Variants in RGS22 observed in about 807,000 individuals in gnomAD.
The protein encoded by RGS22 is regulator of G protein signaling 22, also known as regulator of G-protein signaling 22.
Under a neutral mutation model 172.9 loss-of-function variants are expected in RGS22, and 148 were observed. The observed-to-expected ratio is 0.86, with a 90% CI of 0.75 to 0.98. The LOEUF is 0.98. RGS22 is among the 50% of genes least tolerant of loss of function. The pLI is 0.00. For synonymous variants in RGS22, 458 were observed against 480.2 expected (o/e 0.95, Z 0.60); for missense variants, 1,347 against 1,440.8 (o/e 0.93, Z 1.05).
intron 3 of RGS22, chr8:100,092,113 A>G (rs1812629971): frequency 6.6e-6 from 1 of 152,192 alleles, no homozygotes; most frequent in African/African-American, 2.4e-5. Context: ...GCTGAATAGT[A>G]CTTTCCCTTC....
rs139331104 is a variant in RGS22 at position 100,084,503 on chromosome 8, T to C, written c.118-4148A>G. On this transcript the variant is annotated intron_variant, in intron 3 of 27. Transcript: ENST00000360863. ...AATGGCATGCAATGTTTCTATTTAT[T>C]ATAAAAAAAGAAATGTGAATGTATA... Among the ~76,000 whole-genome samples, 25 of 152,330 alleles carry C rather than the reference T, an allele frequency of 1.6e-4. 1 individual carries two copies. The East Asian group carries it at 4.0e-3, about 25-fold the overall frequency.
intron 20 of RGS22, among the ~76,000 whole-genome samples, chr8:99,988,720 T>C (rs540134260): frequency 7.9e-5 from 12 of 152,196 alleles, no homozygotes; most frequent in Non-Finnish European, 1.8e-4. Context: ...GCCTTGAGGA[T>C]GACATCTGAG....
Position 100,064,010 on chromosome 8 carries a change from C to A in RGS22, c.758G>T (p.Arg253Met), listed in dbSNP as rs1385342451. The change falls in exon 8 of 28, where the codon AGG (arginine) becomes ATG (methionine). Residue 253 changes from arginine (R) to methionine (M), a missense_variant. Physicochemically the swap from Arg to Met is moderately conservative, Grantham distance 91. Coordinates refer to ENST00000360863, the MANE Select transcript of RGS22 (RefSeq NM_015668.5). Reference sequence around the variant, plus strand: ...GGTTTTAGATGGGTCCTTTTTTGTCCTAGGGTGAACTCCATCATCAAAGAT... The same window carrying A: ...GGTTTTAGATGGGTCCTTTTTTGTCATAGGGTGAACTCCATCATCAAAGAT... Reference protein sequence around the residue: ...NFIFDDGVHPRTKKDPSKTNK... With the variant: ...NFIFDDGVHPMTKKDPSKTNK... The A allele has an allele frequency of 6.6e-7, 1 of 1,525,484 alleles. No individual in the cohort carries two copies. Among genetic ancestry groups the A allele is most frequent in the African/African-American group, 1.4e-5 (1 of 71,772 alleles). The allele number at this position is 1,525,484 out of a possible 1,614,324, so 94.5% of individuals were successfully genotyped here.
At chr8:100,043,427 A>G (rs968833374) in intron 11 of RGS22, among the ~76,000 whole-genome samples, 1 of 152,188 alleles carries the variant, frequency 6.6e-6, no homozygotes, top group Non-Finnish European at 1.5e-5. Context: ...TCAAGTCTTC[A>G]CATTAAAAAT....
chr8:99,981,137 A>G (rs1446257442), intron 22 of RGS22, among the ~76,000 whole-genome samples: 2 of 151,976 alleles, frequency 1.3e-5, no homozygotes, highest in Non-Finnish European at 2.9e-5. Context: ...ATTATAATTT[A>G]TTTTTCTTAA....
At position 99,987,551 on chromosome 8, in the gene RGS22, TG is replaced by T; in HGVS notation, c.3086del (p.Pro1029GlnfsTer13). On this transcript the variant is annotated frameshift_variant, in exon 21 of 28. Transcript: ENST00000360863. LOFTEE classifies it high-confidence loss of function. ...AACGTTGAAATTGTCTTGAAGTAAC[TG>T]GATTCAATAATGCTTTGCGAAAAGC... is the stretch of plus-strand genomic sequence containing the variant. ...IIAFRKALLN[P>X]VTSRQFQRFV... is the part of the protein sequence containing the mutation. 1 of 1,611,860 alleles carries T rather than the reference TG, an allele frequency of 6.2e-7. No homozygotes were observed.
chr8:100,083,830 C>CTTTTTTTTTTTTTTTTTTTTTT (rs59603032), intron 3 of RGS22, among the ~76,000 whole-genome samples: 5 of 126,044 alleles, frequency 4.0e-5, no homozygotes, highest in East Asian at 2.3e-4. Flanking sequence ...AATTTCTTTT[C>CTTTTTTTTTTTTTTTTTTTTTT]TTTTTTTTTT....
At chr8:100,066,136 T>C in intron 7 of RGS22, 31 bp downstream of exon 7, 1 of 1,601,678 alleles carries the variant, frequency 6.2e-7, no homozygotes, top group Non-Finnish European at 8.5e-7. Context: ...AAAGAGAAGT[T>C]CTGAAGTCAT....
At chr8:100,011,353 T>G (rs560692657) in intron 14 of RGS22, among the ~76,000 whole-genome samples, 9 of 152,316 alleles carry the variant, frequency 5.9e-5, no homozygotes, top group African/African-American at 1.9e-4. Flanking sequence ...AGAAATTATA[T>G]GCCACCTTCA....
At chr8:100,049,620 C>A (rs1821072232) in intron 10 of RGS22, among the ~76,000 whole-genome samples, 1 of 152,140 alleles carries the variant, frequency 6.6e-6, no homozygotes, top group Non-Finnish European at 1.5e-5. Flanking sequence ...TACAAATGTT[C>A]ATATGTTATC....
chr8:100,082,798 T>G (rs577989496), intron 3 of RGS22, among the ~76,000 whole-genome samples: 1 of 152,282 alleles, frequency 6.6e-6, no homozygotes, highest in East Asian at 1.9e-4. Context: ...GAAGTTAGGG[T>G]AGCTGTGATT....
At chr8:99,979,257 A>C (rs1221894588) in intron 22 of RGS22, among the ~76,000 whole-genome samples, 3 of 152,152 alleles carry the variant, frequency 2.0e-5, no homozygotes, top group African/African-American at 7.2e-5. Context: ...TATCTTTCTA[A>C]AACCTGAGTC....
chr8:99,971,557 T>C (rs766001550), intron 23 of RGS22, among the ~76,000 whole-genome samples: 20 of 152,256 alleles, frequency 1.3e-4, no homozygotes, highest in Admixed American at 8.5e-4. Context: ...TGTACAAAAA[T>C]TCCAAGCATT....
intron 14 of RGS22, among the ~76,000 whole-genome samples, chr8:100,011,160 G>A (rs1816342907): frequency 6.6e-6 from 1 of 152,114 alleles, no homozygotes. Flanking sequence ...ATACTTTAAA[G>A]GGAGGCAGAG....
intron 9 of RGS22, among the ~76,000 whole-genome samples, chr8:100,059,293 A>G (rs1809904050): frequency 6.6e-6 from 1 of 152,136 alleles, no homozygotes; most frequent in African/African-American, 2.4e-5. Flanking sequence ...ACTTATCAAT[A>G]ATGATATTGA....
chr8:100,034,121 C>T (rs1026269757), intron 14 of RGS22, among the ~76,000 whole-genome samples: 7 of 151,998 alleles, frequency 4.6e-5, no homozygotes, highest in Admixed American at 1.3e-4. Flanking sequence ...CCAGGGCAAT[C>T]GGGCAAGAGA....
intron 14 of RGS22, among the ~76,000 whole-genome samples, chr8:100,016,764 A>T (rs1222579263): frequency 6.6e-6 from 1 of 151,992 alleles, no homozygotes; most frequent in Non-Finnish European, 1.5e-5. Context: ...GCGACAGAGC[A>T]AGACTCCGTC....
At chr8:100,042,694 A>G (rs1315573113) in intron 11 of RGS22, 1 of 152,110 alleles carries the variant, frequency 6.6e-6, no homozygotes, top group Admixed American at 6.5e-5. Context: ...CTCCATTCCA[A>G]TCCACCAGCA....
At chr8:99,980,963 A>T (rs1812490025) in intron 22 of RGS22, among the ~76,000 whole-genome samples, 1 of 152,162 alleles carries the variant, frequency 6.6e-6, no homozygotes, top group Admixed American at 6.5e-5. Flanking sequence ...TTAATGCATA[A>T]TTTGGATTGT....
Sources: gnomAD v4.1 joint callset for allele counts (sites outside exome capture counted in the v4.1 genomes callset) on GRCh38, gnomAD v4.1.1 for gene constraint, MANE v1.5 for transcripts, NCBI Gene and HGNC (gene_info 2026-07-23, HGNC 2026-07-21) for gene names.